SSH2: variants seen among roughly 807,000 people sequenced by gnomAD.
SSH2 encodes protein phosphatase Slingshot homolog 2.
A neutral mutation model predicts 135.2 loss-of-function variants in SSH2; 37 were observed. The observed-to-expected ratio is 0.27, with a 90% CI of 0.21 to 0.36. The LOEUF is 0.36. Among genes scored for constraint, SSH2 ranks in the 10% least tolerant of loss-of-function variants. The pLI is 1.00. For synonymous variants in SSH2, 628 were observed against 646.2 expected (o/e 0.97, Z 0.43); for missense variants, 1,408 against 1,765.3 (o/e 0.80, Z 3.63).
At chr17:29,883,511 G>A (rs2066177297) in intron 1 of SSH2, among the ~76,000 whole-genome samples, 1 of 152,134 alleles carries the variant, frequency 6.6e-6, no homozygotes, top group South Asian at 2.1e-4. Flanking sequence ...AAGTTATACT[G>A]TATATAAATA....
At chr17:29,839,849 A>T (rs1333221373) in intron 2 of SSH2, among the ~76,000 whole-genome samples, 2 of 152,204 alleles carry the variant, frequency 1.3e-5, no homozygotes, top group Non-Finnish European at 2.9e-5. Context: ...ACCGGCTGGG[A>T]GTGTCAGGCA....
intron 8 of SSH2, among the ~76,000 whole-genome samples, chr17:29,675,421 C>T (rs548232048): frequency 6.9e-4 from 105 of 152,172 alleles, no homozygotes; most frequent in African/African-American, 2.5e-3. Context: ...AATTCAAATC[C>T]CTGACTGGGG....
intron 3 of SSH2, among the ~76,000 whole-genome samples, chr17:29,749,160 T>C (rs2040851352): frequency 6.6e-6 from 1 of 152,208 alleles, no homozygotes; most frequent in Non-Finnish European, 1.5e-5. Context: ...CCACACAGTA[T>C]ACTCATTTAC....
chr17:29,716,606 G>T, intron 3 of SSH2: 1 of 682,996 alleles, frequency 1.5e-6, no homozygotes, highest in Admixed American at 1.8e-5. Flanking sequence ...CATATGCATG[G>T]CCAAAGGAAC....
chr17:29,884,345 T>G (rs2066194513), intron 1 of SSH2, among the ~76,000 whole-genome samples: 1 of 152,224 alleles, frequency 6.6e-6, no homozygotes, highest in African/African-American at 2.4e-5. Context: ...CTTCCACAAA[T>G]TGCTTTCTGA....
intron 1 of SSH2, among the ~76,000 whole-genome samples, chr17:29,854,442 G>C (rs967125333): frequency 8.6e-5 from 13 of 151,660 alleles, no homozygotes; most frequent in Admixed American, 3.9e-4. Context: ...GAAAAACAGG[G>C]GTTAAGATTG....
chr17:29,726,163 C>T (rs1191453856), intron 3 of SSH2, among the ~76,000 whole-genome samples: 1 of 152,176 alleles, frequency 6.6e-6, no homozygotes. Context: ...ACGCTTCTTC[C>T]TCCATGGAAG....
chr17:29,792,970 G>A (rs1490370150), intron 3 of SSH2, among the ~76,000 whole-genome samples: 2 of 152,044 alleles, frequency 1.3e-5, no homozygotes, highest in African/African-American at 4.8e-5. Context: ...CACCGCGCCC[G>A]GCCTGATAAT....
chr17:29,702,728 G>A (rs1205692288), intron 4 of SSH2, among the ~76,000 whole-genome samples: 3 of 152,118 alleles, frequency 2.0e-5, no homozygotes, highest in Non-Finnish European at 4.4e-5. Context: ...TTTTGGTACC[G>A]TCTTATTATT....
At chr17:29,655,661 A>T in intron 11 of SSH2, 54 bp from the exon 12 acceptor site, 1 of 1,510,610 alleles carries the variant, frequency 6.6e-7, no homozygotes, top group Non-Finnish European at 9.2e-7. Context: ...ACCAAACAAT[A>T]CTTGAAAAGG....
intron 2 of SSH2, among the ~76,000 whole-genome samples, chr17:29,815,205 A>G (rs905556531): frequency 2.0e-5 from 3 of 148,100 alleles, no homozygotes; most frequent in African/African-American, 5.0e-5. Context: ...GCTCACTACA[A>G]CCTCTGCCTC....
At chr17:29,748,190 C>T (rs907099265) in intron 3 of SSH2, among the ~76,000 whole-genome samples, 1 of 152,062 alleles carries the variant, frequency 6.6e-6, no homozygotes, top group African/African-American at 2.4e-5. Context: ...TTTTTATACC[C>T]CTCAGTTATA....
At chr17:29,761,170 C>T (rs761069416) in intron 3 of SSH2, 41 of 1,289,380 alleles carry the variant, frequency 3.2e-5, no homozygotes, top group East Asian at 2.2e-4. Flanking sequence ...TGGCGTTCTG[C>T]GAGATGACCG....
intron 3 of SSH2, among the ~76,000 whole-genome samples, chr17:29,709,015 T>G (rs201288965): frequency 0.024 from 1,993 of 81,594 alleles, 49 homozygotes; most frequent in African/African-American, 0.048. Flanking sequence ...TATATATATA[T>G]AGAGAGAGAG....
intron 3 of SSH2, chr17:29,776,720 T>C (rs944491243): frequency 2.6e-5 from 4 of 152,236 alleles, no homozygotes; most frequent in Admixed American, 1.3e-4. Flanking sequence ...CATGGAATTA[T>C]AGGGGGCTAT....
chr17:29,821,831 AGACGGGGTTTCACTATGTTGGC>A (rs2042657554), intron 2 of SSH2, among the ~76,000 whole-genome samples: 1 of 152,126 alleles, frequency 6.6e-6, no homozygotes, highest in Non-Finnish European at 1.5e-5. Context: ...TTTTTAGTAG[AGACGGGGTTTCACTATGTTGGC>A]CAGGCTGGTC....
chr17:29,921,361 G>A (rs2066972741), intron 1 of SSH2, among the ~76,000 whole-genome samples: 1 of 152,020 alleles, frequency 6.6e-6, no homozygotes. Context: ...AAGGCTGTGA[G>A]ACTACACTTA....
At chr17:29,700,555 CATTTG>C (rs2038934452) in intron 4 of SSH2, among the ~76,000 whole-genome samples, 1 of 152,128 alleles carries the variant, frequency 6.6e-6, no homozygotes, top group Admixed American at 6.5e-5. Context: ...CCTATGTGAA[CATTTG>C]ATGATTCCTT....
intron 2 of SSH2, among the ~76,000 whole-genome samples, chr17:29,845,847 A>G (rs888726365): frequency 6.6e-6 from 1 of 152,114 alleles, no homozygotes; most frequent in Non-Finnish European, 1.5e-5. Flanking sequence ...GGCATGACCC[A>G]CCGTGCCTGG....
Sources: allele counts gnomAD v4.1 joint callset (sites outside exome capture counted in the v4.1 genomes callset), GRCh38; gene constraint gnomAD v4.1.1; transcripts MANE v1.5; gene names NCBI Gene and HGNC (gene_info 2026-07-23, HGNC 2026-07-21).